RUNX1: variants seen among roughly 807,000 people sequenced by gnomAD.
RUNX1 encodes RUNX family transcription factor 1.
In RUNX1, 19 loss-of-function variants were observed where a neutral mutation model predicts 42.8. That is an observed-to-expected ratio of 0.44 (90% CI 0.31 to 0.65). The LOEUF (loss-of-function observed/expected upper bound fraction) is 0.65, where lower values mean the gene tolerates loss of function less well. Among genes scored for constraint, RUNX1 ranks in the 30% least tolerant of loss-of-function variants. The pLI, the probability that RUNX1 is intolerant of heterozygous loss-of-function variation, is 0.07. For missense variants in RUNX1, 528 were observed against 672.0 expected, an observed-to-expected ratio of 0.79 and a Z score of 2.37; for synonymous variants, 271 against 289.4, an observed-to-expected ratio of 0.94 and a Z score of 0.64.
intron 2 of RUNX1, among the ~76,000 whole-genome samples, chr21:34,944,904 C>T (rs1056557233): frequency 6.6e-6 from 1 of 152,142 alleles, no homozygotes; most frequent in Admixed American, 6.5e-5. Context: ...TGGCTTCTGA[C>T]TTATTGGGAA....
chr21:35,042,146 A>G (rs1391060209), intron 2 of RUNX1, among the ~76,000 whole-genome samples: 1 of 152,104 alleles, frequency 6.6e-6, no homozygotes, highest in African/African-American at 2.4e-5. Context: ...CTCAAGTGTG[A>G]TTTGGGGCTT....
At chr21:34,850,718 TAGAAA>T (rs1569054191) in intron 6 of RUNX1, among the ~76,000 whole-genome samples, 1 of 151,966 alleles carries the variant, frequency 6.6e-6, no homozygotes, top group East Asian at 1.9e-4. Flanking sequence ...CATGCTATAC[TAGAAA>T]AGAAATTTTA....
intron 4 of RUNX1, among the ~76,000 whole-genome samples, chr21:34,882,918 G>A (rs961481382): frequency 6.6e-6 from 1 of 152,158 alleles, no homozygotes; most frequent in Non-Finnish European, 1.5e-5. Context: ...GGTATACAGA[G>A]ACTGCCTCCA....
chr21:34,984,411 G>C (rs1410494583), intron 2 of RUNX1, among the ~76,000 whole-genome samples: 1 of 143,744 alleles, frequency 7.0e-6, no homozygotes, highest in African/African-American at 2.5e-5. Flanking sequence ...TCCCATATGA[G>C]GGCAGAAAAA....
At chr21:35,012,443 T>C (rs972831295) in intron 2 of RUNX1, among the ~76,000 whole-genome samples, 2 of 152,226 alleles carry the variant, frequency 1.3e-5, no homozygotes, top group African/African-American at 4.8e-5. Context: ...TTCTGAGCCA[T>C]GATAAATTAA....
chr21:34,832,031 AAG>A (rs2057070060), intron 7 of RUNX1, among the ~76,000 whole-genome samples: 1 of 152,266 alleles, frequency 6.6e-6, no homozygotes, highest in Admixed American at 6.5e-5. Context: ...TTTGGAAAGA[AAG>A]AACACCAGCA....
chr21:34,792,094 G>C lies in RUNX1; in HGVS notation c.*41C>G. ...GGAGGCCCGCGCGCCCGGAGGCGAA[G>C]GCGGCGGCCCGCGGGGCCCAGCCGG... On this transcript the variant is annotated 3_prime_UTR_variant, in exon 9 of 9. Transcript: ENST00000675419. The surrounding 1 kb of genome is among the most constrained non-coding windows in gnomAD (Gnocchi z 6.9). The C allele has an allele frequency of 7.9e-7, 1 of 1,272,458 alleles. No individual in the cohort carries two copies. Among genetic ancestry groups the C allele is most frequent in the East Asian group, 3.3e-5 (1 of 30,614 alleles). 78.8% of individuals were successfully genotyped at this position (1,272,458 alleles called of 1,614,324 possible).
intron 7 of RUNX1, among the ~76,000 whole-genome samples, chr21:34,818,002 T>A (rs541551474): frequency 2.6e-5 from 4 of 152,328 alleles, no homozygotes; most frequent in African/African-American, 9.6e-5. Context: ...CAGAACAGTT[T>A]GCGGTTTCAT....
intron 7 of RUNX1, among the ~76,000 whole-genome samples, chr21:34,816,305 G>A (rs746811489): frequency 1.1e-4 from 17 of 152,170 alleles, no homozygotes; most frequent in Non-Finnish European, 2.1e-4. Context: ...GAAGGAGAGA[G>A]CGTTCCTGCC....
chr21:34,993,483 CTGTT>C (rs901845663), intron 2 of RUNX1, among the ~76,000 whole-genome samples: 49 of 149,694 alleles, frequency 3.3e-4, no homozygotes, highest in African/African-American at 9.3e-4. Context: ...AGGACAATGT[CTGTT>C]TGTTTGTCCC....
chr21:34,810,401 G>A (rs909979897), intron 7 of RUNX1, among the ~76,000 whole-genome samples: 1 of 152,144 alleles, frequency 6.6e-6, no homozygotes, highest in African/African-American at 2.4e-5. Flanking sequence ...CATATGAATG[G>A]GGGAAAAGGA....
intron 6 of RUNX1, chr21:34,856,555 G>A (rs982108339): frequency 1.1e-5 from 5 of 441,670 alleles, no homozygotes; most frequent in African/African-American, 1.0e-4. Context: ...TAGACATCAG[G>A]AACTCCTCAT....
chr21:34,898,918 T>C (rs535286044), intron 2 of RUNX1, among the ~76,000 whole-genome samples: 1 of 152,234 alleles, frequency 6.6e-6, no homozygotes, highest in African/African-American at 2.4e-5. Context: ...ATAGAACTTT[T>C]TATTTTTATT....
At chr21:34,875,260 C>T (rs2057797897) in intron 5 of RUNX1, among the ~76,000 whole-genome samples, 1 of 152,192 alleles carries the variant, frequency 6.6e-6, no homozygotes. Context: ...GAAAGTGTTG[C>T]TATCCTTTTA....
chr21:34,849,391 T>G (rs1259677619), intron 6 of RUNX1, among the ~76,000 whole-genome samples: 2 of 50,034 alleles, frequency 4.0e-5, no homozygotes, highest in Non-Finnish European at 7.1e-5. Flanking sequence ...ATAGTATATA[T>G]AATATATTAT....
intron 2 of RUNX1, among the ~76,000 whole-genome samples, chr21:34,960,925 T>G (rs1455960043): frequency 1.3e-5 from 2 of 152,132 alleles, no homozygotes; most frequent in African/African-American, 2.4e-5. Flanking sequence ...TCCCCTCTTA[T>G]TCAGGAATTG....
At chr21:34,977,954 C>G (rs975038363) in intron 2 of RUNX1, among the ~76,000 whole-genome samples, 1 of 150,760 alleles carries the variant, frequency 6.6e-6, no homozygotes, top group Non-Finnish European at 1.5e-5. Flanking sequence ...CGGAGTCTCT[C>G]TCTGTCGCCC....
chr21:34,872,627 A>C (rs1601499390), intron 5 of RUNX1, among the ~76,000 whole-genome samples: 4 of 152,362 alleles, frequency 2.6e-5, no homozygotes, highest in Admixed American at 2.6e-4. Flanking sequence ...AGAATGTCAG[A>C]ATAAAAGGGG....
intron 2 of RUNX1, among the ~76,000 whole-genome samples, chr21:35,007,727 C>A (rs1219240067): frequency 6.6e-6 from 1 of 152,134 alleles, no homozygotes. Context: ...ACTCTCACTG[C>A]CACCACCCTC....
Sources: gnomAD v4.1 joint callset for allele counts (sites outside exome capture counted in the v4.1 genomes callset) on GRCh38, gnomAD v4.1.1 for gene constraint, Gnocchi (gnomAD v3.1) non-coding constraint, MANE v1.5 for transcripts, NCBI Gene and HGNC (gene_info 2026-07-23, HGNC 2026-07-21) for gene names.